The following OCSTAMP variants were observed in gnomAD, a reference collection of about 807,000 sequenced individuals.
The protein encoded by OCSTAMP is osteoclast stimulatory transmembrane protein.
Under a neutral mutation model 25.2 loss-of-function variants are expected in OCSTAMP, and 17 were observed. The observed-to-expected ratio is 0.68, with a 90% CI of 0.46 to 1.01. The LOEUF is 1.01. Among genes scored for constraint, OCSTAMP ranks in the 50% least tolerant of loss-of-function variants. OCSTAMP has a pLI of 0.00. For missense variants in OCSTAMP, 664 were observed against 694.6 expected, an observed-to-expected ratio of 0.96 and a Z score of 0.50; for synonymous variants, 345 against 318.9, an observed-to-expected ratio of 1.08 and a Z score of -0.87.
intron 1 of OCSTAMP, among the ~76,000 whole-genome samples, chr20:46,549,867 A>C (rs1278818361): frequency 1.6e-5 from 2 of 123,470 alleles, no homozygotes; most frequent in Admixed American, 1.8e-4. Context: ...GTTTCACATT[A>C]AAATCTGGGT....
chr20:46,545,890 T>C lies in OCSTAMP; in HGVS notation c.484A>G (p.Asn162Asp). ...GCTGCATGCAGCTGGTGAGTGGTAT[T>C]GAGGAGACTCTCCAGGGAGCCCTCG... ...VTEGSLESLLNTTHQLHAASR... is the reference protein window; with the variant it reads ...VTEGSLESLLDTTHQLHAASR... The change falls in exon 2 of 3, where the codon AAT becomes GAT. Residue 162 changes from asparagine (N) to aspartate (D), a missense_variant. Coordinates refer to ENST00000279028, the MANE Select transcript of OCSTAMP (RefSeq NM_080721.3). 6.4e-7 allele frequency: 1 copy of C among 1,551,338 alleles called. No homozygotes were observed. Among genetic ancestry groups the C allele is most frequent in the Admixed American group, 2.0e-5 (1 of 51,002 alleles).
intron 2 of OCSTAMP, among the ~76,000 whole-genome samples, chr20:46,544,816 C>T (rs1364129742): frequency 4.6e-5 from 7 of 152,168 alleles, no homozygotes; most frequent in Non-Finnish European, 1.0e-4. Flanking sequence ...TTGGATTTGT[C>T]CTGAAGGCTA....
chr20:46,547,582 A>G (rs2061856984), intron 1 of OCSTAMP, among the ~76,000 whole-genome samples: 1 of 152,252 alleles, frequency 6.6e-6, no homozygotes, highest in African/African-American at 2.4e-5. Context: ...CGTCAAATGC[A>G]GCCAACAGGT....
chr20:46,543,673 G>A (rs2061842668), intron 2 of OCSTAMP, among the ~76,000 whole-genome samples: 2 of 151,818 alleles, frequency 1.3e-5, no homozygotes, highest in African/African-American at 4.8e-5. Flanking sequence ...AGAAAGATAT[G>A]GCAAAATAAA....
intron 1 of OCSTAMP, among the ~76,000 whole-genome samples, chr20:46,548,159 C>T (rs1760120507): frequency 6.6e-6 from 1 of 152,206 alleles, no homozygotes; most frequent in African/African-American, 2.4e-5. Flanking sequence ...AATTTCTGCT[C>T]CACCACTTGC....
At position 46,546,066 on chromosome 20, in the gene OCSTAMP, C is replaced by T. The variant is rs776750753; in HGVS notation, c.308G>A (p.Arg103His). ...FLSLGLVPPV[R>H]CLFALSVPTL... ...GGGCACGCTGAGTGCAAACAGGCAG[C>T]GGACTGGGGGTACCAGGCCCAGGCT... The change falls in exon 2 of 3, where the codon CGC becomes CAC. Residue 103 changes from arginine to histidine, a missense_variant. Transcript: ENST00000279028. 1.8e-5 allele frequency: 28 copies of T among 1,551,508 alleles called. No individual in the cohort carries two copies. Among genetic ancestry groups the T allele is most frequent in the East Asian group, 9.8e-5 (4 of 40,922 alleles).
Position 46,541,462 on chromosome 20 carries a change from T to C in OCSTAMP, c.1513A>G (p.Arg505Gly). The change falls in exon 3 of 3, where the codon AGA becomes GGA. Residue 505 changes from arginine (R) to glycine (G), a missense_variant. Coordinates refer to ENST00000279028, the MANE Select transcript of OCSTAMP (RefSeq NM_080721.3). ...EGEGKELWSC[R>G]DLSCNLGPVP... ...GGACCAAGGTTACAACTCAGGTCTCTGCAACTCCAAAGCTCTTTCCCTTCT... is the reference window on the plus strand; with the variant it reads ...GGACCAAGGTTACAACTCAGGTCTCCGCAACTCCAAAGCTCTTTCCCTTCT... 6.5e-7 allele frequency: 1 copy of C among 1,547,230 alleles called. No individual in the cohort carries two copies. Among genetic ancestry groups the C allele is most frequent in the Non-Finnish European group, 8.7e-7 (1 of 1,142,964 alleles).
chr20:46,548,636 T>C, intron 1 of OCSTAMP, among the ~76,000 whole-genome samples: 1 of 152,148 alleles, frequency 6.6e-6, no homozygotes, highest in East Asian at 1.9e-4. Flanking sequence ...TCATACATTA[T>C]CTTAAGTGAG....
rs1480138264 is a variant in OCSTAMP, at chr20:46,545,557, T to C, written c.817A>G (p.Thr273Ala). The change falls in exon 2 of 3, where the codon ACA becomes GCA. Residue 273 changes from threonine to alanine, a missense_variant. Transcript: ENST00000279028. Reference protein sequence around the residue: ...LTQRLAQAQATHLLAPPPTWL... With the variant: ...LTQRLAQAQAAHLLAPPPTWL... ...GTGGGTGGAGGGGCCAGGAGGTGTGTAGCCTGGGCCTGTGCCAACCGCTGG... is the reference window on the plus strand; with the variant it reads ...GTGGGTGGAGGGGCCAGGAGGTGTGCAGCCTGGGCCTGTGCCAACCGCTGG... The C allele has an allele frequency of 2.6e-5, 40 of 1,551,614 alleles. No homozygotes were observed. The highest frequency in any genetic ancestry group is 3.4e-5 in the Non-Finnish European group (39 of 1,146,962).
intron 2 of OCSTAMP, among the ~76,000 whole-genome samples, chr20:46,544,207 A>T (rs148074386): frequency 1.3e-5 from 2 of 152,206 alleles, no homozygotes; most frequent in Non-Finnish European, 2.9e-5. Context: ...GGCATGGGCA[A>T]CAGAGTGAAA....
Position 46,546,231 on chromosome 20 carries a change from AGCTGGCCACAGCTGGCTGGAACAG to A in OCSTAMP, c.119_142del (p.Pro40_Gln47del), listed in dbSNP as rs2061852291. 4 of 1,551,416 alleles carry A rather than the reference AGCTGGCCACAGCTGGCTGGAACAG, an allele frequency of 2.6e-6. No individual in the cohort carries two copies. Reference sequence around the variant, plus strand: ...GGCACACAGGAGGAGCTGGGTCAGCAGCTGGCCACAGCTGGCTGGAACAGGCTGGGAGAAGGCGTCCCAGGCAGC... The same window carrying A: ...GGCACACAGGAGGAGCTGGGTCAGCAGCTGGGAGAAGGCGTCCCAGGCAGC... On this transcript the variant is annotated inframe_deletion, in exon 2 of 3. Coordinates refer to ENST00000279028, the MANE Select transcript of OCSTAMP (RefSeq NM_080721.3).
chr20:46,541,174 A>C lies in OCSTAMP; in HGVS notation c.*100T>G. ...AAGGTCTCCATCTAACAAGTAGAGC[A>C]GTTGGTGCAGATGAGATGAGCCTGA... is the stretch of plus-strand genomic sequence containing the variant. On this transcript the variant is annotated 3_prime_UTR_variant, in exon 3 of 3. Coordinates refer to ENST00000279028, the MANE Select transcript of OCSTAMP (RefSeq NM_080721.3). 1.6e-6 allele frequency: 1 copy of C among 639,176 alleles called. No individual in the cohort carries two copies. The highest frequency in any genetic ancestry group is 2.5e-5 in the Admixed American group (1 of 40,008). 39.6% of individuals were successfully genotyped at this position (639,176 alleles called of 1,614,324 possible).
At chr20:46,543,256 C>CTTT (rs1568897037) in intron 2 of OCSTAMP, among the ~76,000 whole-genome samples, 1 of 141,892 alleles carries the variant, frequency 7.0e-6, no homozygotes, top group East Asian at 2.0e-4. Context: ...TTCTTTCTTT[C>CTTT]CTTCTTTCTT....
At chr20:46,545,238 C>A in intron 2 of OCSTAMP, 89 bp downstream of exon 2, 1 of 1,354,694 alleles carries the variant, frequency 7.4e-7, no homozygotes, top group South Asian at 1.6e-5. Context: ...GGAGGCAAGT[C>A]AAATTTCATC....
rs773614949 is a variant in OCSTAMP at position 46,541,655 on chromosome 20, C to T, written c.1320G>A (p.Arg440=). 12 of 1,550,938 alleles carry T rather than the reference C, an allele frequency of 7.7e-6. No individual in the cohort carries two copies. In the South Asian group the frequency reaches 1.4e-4, roughly 18 times the overall value. ...AASFFTAQEA[R]RVRHLHARLQ... Reference sequence around the variant, plus strand: ...GCCGGGCGTGCAGGTGGCGGACCCTCCTCGCCTCCTGGGCTGTGAAGAAGG... The same window carrying T: ...GCCGGGCGTGCAGGTGGCGGACCCTTCTCGCCTCCTGGGCTGTGAAGAAGG... Residue 440 remains arginine, a synonymous_variant, in exon 3 of 3, where the codon AGG becomes AGA. Coordinates refer to ENST00000279028, the MANE Select transcript of OCSTAMP (RefSeq NM_080721.3).
rs2061847872 is a variant in OCSTAMP at position 46,545,386 on chromosome 20, T to G, written c.988A>C (p.Thr330Pro). The G allele has an allele frequency of 1.3e-6, 2 of 1,534,028 alleles. No homozygotes were observed. Among genetic ancestry groups the G allele is most frequent in the East Asian group, 4.9e-5 (2 of 40,850 alleles). ...GGCAACTTCTGAGCCCAGTCCACAG[T>G]AGCCTGTGCCAGGAGGAAGGCTACA... is the stretch of plus-strand genomic sequence containing the variant. ...DHVAFLLAQA[T>P]VDWAQKLPTV... The change falls in exon 2 of 3, where the codon ACT becomes CCT. Residue 330 changes from threonine (T) to proline (P), a missense_variant. Thr to Pro is a conservative substitution (Grantham distance 38). Transcript: ENST00000279028.
chr20:46,542,510 G>A (rs1294978088), intron 2 of OCSTAMP, among the ~76,000 whole-genome samples: 3 of 150,314 alleles, frequency 2.0e-5, no homozygotes, highest in Admixed American at 1.3e-4. Flanking sequence ...GAGCCCGAGA[G>A]GGGAGGGTGC....
intron 1 of OCSTAMP, among the ~76,000 whole-genome samples, chr20:46,548,264 C>T (rs12479924): frequency 0.086 from 13,160 of 152,152 alleles, 842 homozygotes; most frequent in East Asian, 0.26. Flanking sequence ...CTCCTGGGGT[C>T]ACTTTGTTTC....
At chr20:46,547,720 G>A (rs2061857368) in intron 1 of OCSTAMP, among the ~76,000 whole-genome samples, 1 of 152,182 alleles carries the variant, frequency 6.6e-6, no homozygotes, top group Non-Finnish European at 1.5e-5. Context: ...ACGGGAAGGA[G>A]AAGAATAGGA....
Sources: gnomAD v4.1 joint callset for allele counts (sites outside exome capture counted in the v4.1 genomes callset) on GRCh38, gnomAD v4.1.1 for gene constraint, MANE v1.5 for transcripts, NCBI Gene and HGNC (gene_info 2026-07-23, HGNC 2026-07-21) for gene names.